Variants in PRKN observed in about 807,000 individuals in gnomAD.
PRKN encodes the protein parkin RBR E3 ubiquitin protein ligase.
In PRKN, 56 loss-of-function variants were observed where a neutral mutation model predicts 59.5. The ratio of observed to expected loss-of-function variants is 0.94; its 90% CI spans 0.76 to 1.18. PRKN has a LOEUF of 1.18. PRKN is among the 50% of genes most tolerant of loss of function. PRKN has a pLI of 0.00. For missense variants in PRKN, 657 were observed against 596.4 expected (o/e 1.10, Z -1.06); for synonymous variants, 250 against 222.1 (o/e 1.13, Z -1.12).
At chr6:162,111,555 T>C (rs946007508) in intron 4 of PRKN, among the ~76,000 whole-genome samples, 2 of 152,054 alleles carry the variant, frequency 1.3e-5, no homozygotes, top group Admixed American at 6.6e-5. Flanking sequence ...TACACACATG[T>C]ATCATGTTTT....
rs559120643 is a variant in PRKN at position 161,442,986 on chromosome 6, G to C, written c.1084-56109C>G. ...CTCTGAGAGGTTAACTGACCTGCTC[G>C]AGGTGAAGAAAATGAGTAGGGATTA... On this transcript the variant is annotated intron_variant, in intron 9 of 11. Transcript: ENST00000366898. This position sits in a 1 kb window ranked among gnomAD's most constrained non-coding sequence, Gnocchi z 4.6. 2.6e-5 allele frequency among the ~76,000 whole-genome samples: 4 copies of C among 152,122 alleles called. No individual in the cohort carries two copies. The highest frequency in any genetic ancestry group is 9.7e-5 in the African/African-American group (4 of 41,422).
At chr6:161,810,500 T>C (rs1404191336) in intron 6 of PRKN, among the ~76,000 whole-genome samples, 12 of 152,090 alleles carry the variant, frequency 7.9e-5, no homozygotes, top group Non-Finnish European at 1.8e-4. Flanking sequence ...TAAGAGGAGG[T>C]CCTAGACAAC....
At chr6:161,557,593 A>G (rs1164328434) in intron 8 of PRKN, among the ~76,000 whole-genome samples, 2 of 152,162 alleles carry the variant, frequency 1.3e-5, no homozygotes, top group Non-Finnish European at 2.9e-5. Context: ...ACACCATCCA[A>G]AAGGCCTCTC....
chr6:161,789,808 T>C (rs922233819), intron 6 of PRKN, among the ~76,000 whole-genome samples: 4 of 152,224 alleles, frequency 2.6e-5, no homozygotes, highest in African/African-American at 9.6e-5. Flanking sequence ...CCTGATCGTT[T>C]TGTAATCAAG....
At chr6:162,061,606 T>C (rs762502146) in intron 4 of PRKN, among the ~76,000 whole-genome samples, 2 of 152,184 alleles carry the variant, frequency 1.3e-5, no homozygotes, top group Non-Finnish European at 2.9e-5. Flanking sequence ...TGAGCATCCA[T>C]CTTCCTTCAT....
intron 9 of PRKN, among the ~76,000 whole-genome samples, chr6:161,511,310 C>A (rs539557565): frequency 6.6e-6 from 1 of 152,212 alleles, no homozygotes; most frequent in Non-Finnish European, 1.5e-5. Flanking sequence ...ATCTAGATTG[C>A]TGCTACATAT....
intron 4 of PRKN, among the ~76,000 whole-genome samples, chr6:162,159,202 C>A (rs1782654584): frequency 6.6e-6 from 1 of 150,802 alleles, no homozygotes; most frequent in Non-Finnish European, 1.5e-5. Flanking sequence ...ATACTGTTTT[C>A]TATTGACTAA....
chr6:161,770,486 GAGAC>G (rs1789619733), intron 7 of PRKN, among the ~76,000 whole-genome samples: 1 of 150,026 alleles, frequency 6.7e-6, no homozygotes, highest in Non-Finnish European at 1.5e-5. Context: ...ATTCATTTAT[GAGAC>G]AGAGTTTCAT....
intron 7 of PRKN, among the ~76,000 whole-genome samples, chr6:161,572,426 C>T (rs1780925036): frequency 6.6e-6 from 1 of 152,018 alleles, no homozygotes; most frequent in Admixed American, 6.6e-5. Context: ...CTTTGGGAGG[C>T]TGAGGCAGGA....
intron 2 of PRKN, among the ~76,000 whole-genome samples, chr6:162,325,940 G>A (rs1048884523): frequency 2.6e-5 from 4 of 152,092 alleles, no homozygotes; most frequent in African/African-American, 9.7e-5. Context: ...GCAAACATCC[G>A]TGGTCATGTC....
intron 1 of PRKN, among the ~76,000 whole-genome samples, chr6:162,497,373 A>G (rs1427696200): frequency 2.6e-5 from 4 of 152,232 alleles, no homozygotes; most frequent in Non-Finnish European, 4.4e-5. Context: ...ACTAAAGATT[A>G]CATAAAGTAT....
rs60180187 is a variant in PRKN, at chr6:162,375,742, T to TACACACACACACACAC, written c.171+67552_171+67567dup. ...CCAATCTGATACAAATATGGCTTTG[T>TACACACACACACACAC]ACACACACACACACACACACACAAA... On this transcript the variant is annotated intron_variant, in intron 2 of 11. Coordinates refer to ENST00000366898, the MANE Select transcript of PRKN (RefSeq NM_004562.3). Among the ~76,000 whole-genome samples, 576 of 149,100 alleles carry TACACACACACACACAC rather than the reference T, an allele frequency of 3.9e-3. 1 individual carries two copies. Among genetic ancestry groups the TACACACACACACACAC allele is most frequent in the African/African-American group, 7.1e-3 (287 of 40,658 alleles).
At chr6:161,673,461 C>G (rs929380316) in intron 7 of PRKN, among the ~76,000 whole-genome samples, 2 of 152,154 alleles carry the variant, frequency 1.3e-5, no homozygotes, top group Admixed American at 6.5e-5. Flanking sequence ...GAGAGAAAGG[C>G]TTGAAAGGAT....
At chr6:161,433,289 A>T (rs751728556) in intron 9 of PRKN, among the ~76,000 whole-genome samples, 29 of 152,212 alleles carry the variant, frequency 1.9e-4, no homozygotes, top group Non-Finnish European at 3.1e-4. Context: ...CGTCCGCGGC[A>T]TCTCAGTAAG....
intron 9 of PRKN, among the ~76,000 whole-genome samples, chr6:161,524,013 A>AG (rs1778931089): frequency 6.6e-6 from 1 of 152,236 alleles, no homozygotes; most frequent in Non-Finnish European, 1.5e-5. Flanking sequence ...AATTAAAAAA[A>AG]TTTTTTTTCC....
At chr6:161,675,306 A>G (rs947081074) in intron 7 of PRKN, among the ~76,000 whole-genome samples, 4 of 152,158 alleles carry the variant, frequency 2.6e-5, no homozygotes, top group African/African-American at 9.7e-5. Context: ...TCACCGACTA[A>G]CTACGGTCAC....
intron 8 of PRKN, among the ~76,000 whole-genome samples, chr6:161,559,597 C>G (rs1219482743): frequency 6.6e-6 from 1 of 152,160 alleles, no homozygotes; most frequent in East Asian, 1.9e-4. Flanking sequence ...TTCCTGGCTC[C>G]CTAGTCTTTT....
intron 2 of PRKN, among the ~76,000 whole-genome samples, chr6:162,337,489 G>A (rs565368676): frequency 3.3e-5 from 5 of 152,274 alleles, no homozygotes; most frequent in South Asian, 4.1e-4. Context: ...ACATTAGCAC[G>A]TAATAGATAA....
rs995901836 is a variant in PRKN, at chr6:161,471,682, C to T, written c.1083+77172G>A. ...CCACCGTCTGACATCACTGGGTAAT[C>T]TAACAAGATTACAGAACCGACTTTT... is the stretch of plus-strand genomic sequence containing the variant. On this transcript the variant is annotated intron_variant, in intron 9 of 11. Coordinates refer to ENST00000366898, the MANE Select transcript of PRKN (RefSeq NM_004562.3). This position sits in a 1 kb window ranked among gnomAD's most constrained non-coding sequence, Gnocchi z 4.5. Among the ~76,000 whole-genome samples the T allele has an allele frequency of 1.3e-5, 2 of 152,114 alleles. No individual in the cohort carries two copies. Among genetic ancestry groups the T allele is most frequent in the Non-Finnish European group, 2.9e-5 (2 of 68,024 alleles).
Sources: allele counts gnomAD v4.1 joint callset (sites outside exome capture counted in the v4.1 genomes callset), GRCh38; gene constraint gnomAD v4.1.1; non-coding constraint Gnocchi (gnomAD v3.1); transcripts MANE v1.5; gene names NCBI Gene and HGNC (gene_info 2026-07-23, HGNC 2026-07-21).